Variants in BTBD8 observed in about 807,000 individuals in gnomAD.
The protein encoded by BTBD8 is BTB domain containing 8.
Under a neutral mutation model 162.9 loss-of-function variants are expected in BTBD8, and 110 were observed. The observed-to-expected ratio is 0.68, with a 90% CI of 0.58 to 0.79. The LOEUF (loss-of-function observed/expected upper bound fraction) is 0.79, where lower values mean the gene tolerates loss of function less well. Among genes scored for constraint, BTBD8 ranks in the 30% least tolerant of loss-of-function variants. BTBD8 has a pLI of 0.00. For synonymous variants in BTBD8, 667 were observed against 716.1 expected, an observed-to-expected ratio of 0.93 and a Z score of 1.10; for missense variants, 1,905 against 2,085.4, an observed-to-expected ratio of 0.91 and a Z score of 1.68.
chr1:92,117,106 T>C (rs1341144613), intron 4 of BTBD8, among the ~76,000 whole-genome samples: 1 of 151,870 alleles, frequency 6.6e-6, no homozygotes, highest in Non-Finnish European at 1.5e-5. Flanking sequence ...TGCCTCAGCC[T>C]CCCAAATTGC....
At chr1:92,180,241 A>G in intron 16 of BTBD8, 24 bp from the exon 17 acceptor site, 1 of 1,492,718 alleles carries the variant, frequency 6.7e-7, no homozygotes, top group Non-Finnish European at 8.9e-7. Context: ...TACATTACTG[A>G]ATATACCCTC....
intron 2 of BTBD8, among the ~76,000 whole-genome samples, chr1:92,093,152 G>T (rs1648359606): frequency 6.6e-6 from 1 of 150,932 alleles, no homozygotes; most frequent in Non-Finnish European, 1.5e-5. Flanking sequence ...TTTCAGTACA[G>T]GTTATATAGG....
rs775844472 is a variant in BTBD8 at position 92,166,979 on chromosome 1, C to G, written c.1144C>G (p.Leu382Val). Residue 382 changes from leucine (L) to valine (V), a missense_variant, in exon 10 of 18, where the codon CTT becomes GTT. Physicochemically the swap from Leu to Val is conservative, Grantham distance 32. Transcript: ENST00000636805. The part of the protein sequence containing the change: ...QSLNDKNAAF[L>V]LMESDRLIIS... ...TAAGAATGATAAGAATGCTGCTTTT[C>G]TTCTGATGGAAAGTGACAGGCTAAT... The G allele has an allele frequency of 9.1e-6, 14 of 1,546,180 alleles. No homozygotes were observed. The highest frequency in any genetic ancestry group is 1.1e-5 in the Non-Finnish European group (13 of 1,144,694).
rs1027125943 is a variant in BTBD8 at position 92,182,096 on chromosome 1, T to C, written c.4413T>C (p.Val1471=). ...ASVDSFSPSD[V]FDGISHEHHG... is the part of the protein sequence containing the mutation. ...TAGATTCTTTTTCACCTTCTGATGTTTTTGATGGCATTTCTCATGAACATC... is the reference window on the plus strand; with the variant it reads ...TAGATTCTTTTTCACCTTCTGATGTCTTTGATGGCATTTCTCATGAACATC... The change falls in exon 17 of 18, where the codon GTT becomes GTC. Residue 1471 remains valine, a synonymous_variant. Transcript: ENST00000636805. 1.9e-6 allele frequency: 3 copies of C among 1,551,558 alleles called. No individual in the cohort carries two copies. In the South Asian group the frequency reaches 3.6e-5, roughly 18 times the overall value.
intron 9 of BTBD8, among the ~76,000 whole-genome samples, chr1:92,149,489 T>C (rs992064863): frequency 2.0e-5 from 3 of 152,204 alleles, no homozygotes; most frequent in African/African-American, 4.8e-5. Context: ...AAGAGATGTA[T>C]ATAGTTGCCA....
intron 9 of BTBD8, among the ~76,000 whole-genome samples, chr1:92,166,021 C>T (rs1318912301): frequency 6.6e-6 from 1 of 152,144 alleles, no homozygotes; most frequent in South Asian, 2.1e-4. Flanking sequence ...GAATAAGAGA[C>T]AGTAATATAT....
intron 1 of BTBD8, among the ~76,000 whole-genome samples, chr1:92,084,873 C>T (rs944487274): frequency 1.3e-5 from 2 of 152,172 alleles, no homozygotes; most frequent in Admixed American, 6.5e-5. Context: ...TCTGCCACTT[C>T]GCACCCTCTC....
At chr1:92,153,712 T>C (rs1357179448) in intron 9 of BTBD8, among the ~76,000 whole-genome samples, 1 of 152,240 alleles carries the variant, frequency 6.6e-6, no homozygotes, top group Non-Finnish European at 1.5e-5. Flanking sequence ...ATGAATAATG[T>C]TCTGCTATAT....
rs1457027818 is a variant in BTBD8, at chr1:92,080,959, AG to A, written c.149+240del. The stretch of plus-strand genomic sequence containing the variant: ...CCAGATTCAAAAGGAAAACAAAAAA[AG>A]CTTAGTCGTGTGCAGCACTAGTTTG... On this transcript the variant is annotated intron_variant, in intron 1 of 17. Coordinates refer to ENST00000636805, the MANE Select transcript of BTBD8 (RefSeq NM_001376131.1). 2.0e-5 allele frequency among the ~76,000 whole-genome samples: 3 copies of A among 152,228 alleles called. No individual in the cohort carries two copies. The East Asian group carries it at 5.8e-4, about 29-fold the overall frequency.
intron 5 of BTBD8, among the ~76,000 whole-genome samples, chr1:92,136,431 A>G (rs572921229): frequency 1.3e-5 from 2 of 150,412 alleles, no homozygotes; most frequent in East Asian, 3.9e-4. Context: ...TCTTTAGCAG[A>G]TATTAGGTAC....
chr1:92,182,799 C>T (rs1473810111), intron 17 of BTBD8, among the ~76,000 whole-genome samples: 2 of 151,750 alleles, frequency 1.3e-5, no homozygotes, highest in African/African-American at 4.8e-5. Flanking sequence ...GAAGTAATAT[C>T]TAGTAAAAAT....
rs769412181 is a variant in BTBD8, at chr1:92,080,688, G to A, written c.117G>A (p.Thr39=). The change falls in exon 1 of 18, where the codon ACG becomes ACA. Residue 39 remains threonine (T), a synonymous_variant. Coordinates refer to ENST00000636805, the MANE Select transcript of BTBD8 (RefSeq NM_001376131.1). ...GPCERRRLKA[T]VSEQLSQDLL... ...GTGAGCGGCGCCGGCTGAAGGCGAC[G>A]GTGTCGGAGCAGCTCAGCCAGGATT... 3.3e-5 allele frequency: 53 copies of A among 1,612,506 alleles called. No homozygotes were observed. In the South Asian group the frequency reaches 3.6e-4, roughly 11 times the overall value.
In BTBD8 at chr1:92,177,944, A is replaced by G. The variant is rs549358117; in HGVS notation, c.2441+46A>G. 5.4e-5 allele frequency: 50 copies of G among 928,316 alleles called. No homozygotes were observed. The African/African-American group carries it at 7.7e-4, about 14-fold the overall frequency. The allele number at this position is 928,316 out of a possible 1,614,324, so 57.5% of individuals were successfully genotyped here. A position where few individuals can be genotyped will look rare whatever the true frequency, so the allele number is the denominator to read the frequency against. The stretch of plus-strand genomic sequence containing the variant: ...TTAACCTATCTGTTAGCTTTCTCTC[A>G]AAGTTAATTATATACTAACTGCTAG... On this transcript the variant is annotated intron_variant, in intron 15 of 17. Coordinates refer to ENST00000636805, the MANE Select transcript of BTBD8 (RefSeq NM_001376131.1).
chr1:92,129,871 C>G, intron 5 of BTBD8, 95 bp downstream of exon 5: 1 of 1,052,674 alleles, frequency 9.5e-7, no homozygotes, highest in Non-Finnish European at 1.5e-6. Flanking sequence ...CCTGGATGTT[C>G]AAGGAAATAT....
chr1:92,143,135 G>A (rs924154702), intron 7 of BTBD8, among the ~76,000 whole-genome samples: 6 of 152,162 alleles, frequency 3.9e-5, no homozygotes, highest in Non-Finnish European at 8.8e-5. Context: ...TAAGGGATGG[G>A]AAAAAGGGGA....
chr1:92,107,415 C>A (rs1648761709), intron 3 of BTBD8, among the ~76,000 whole-genome samples: 1 of 152,110 alleles, frequency 6.6e-6, no homozygotes, highest in Non-Finnish European at 1.5e-5. Context: ...TTTTACTGTA[C>A]CTTTTCTATG....
At chr1:92,125,591 A>G (rs1255018785) in intron 4 of BTBD8, 1 of 263,382 alleles carries the variant, frequency 3.8e-6, no homozygotes, top group Non-Finnish European at 7.6e-6. Context: ...CAGAGGTGAC[A>G]AGGTACCGTC....
At chr1:92,120,955 G>A (rs1235754854) in intron 4 of BTBD8, among the ~76,000 whole-genome samples, 1 of 152,124 alleles carries the variant, frequency 6.6e-6, no homozygotes, top group African/African-American at 2.4e-5. Flanking sequence ...TAGAGACAGG[G>A]TTTTGCCACA....
At chr1:92,178,546 A>T in intron 16 of BTBD8, 95 bp downstream of exon 16, 1 of 954,726 alleles carries the variant, frequency 1.0e-6, no homozygotes, top group Non-Finnish European at 1.5e-6. Flanking sequence ...GCAAATAAGC[A>T]AAATATGGTT....
Sources: allele counts gnomAD v4.1 joint callset (sites outside exome capture counted in the v4.1 genomes callset), GRCh38; gene constraint gnomAD v4.1.1; transcripts MANE v1.5; gene names NCBI Gene and HGNC (gene_info 2026-07-23, HGNC 2026-07-21).